Variants in TRAP1 observed in about 807,000 individuals in gnomAD.
The protein encoded by TRAP1 is heat shock protein 75 kDa, mitochondrial.
A neutral mutation model predicts 89.1 loss-of-function variants in TRAP1; 102 were observed. The observed-to-expected ratio is 1.15, with a 90% CI of 0.98 to 1.35. TRAP1 has a LOEUF of 1.35. Among genes scored for constraint, TRAP1 ranks in the 40% most tolerant of loss-of-function variants. The probability of loss-of-function intolerance (pLI) is 0.00; values close to 1 mark genes in which losing one functional copy is unlikely to be tolerated. For synonymous variants in TRAP1, 508 were observed against 388.0 expected (o/e 1.31, Z -3.64); for missense variants, 1,256 against 945.3 (o/e 1.33, Z -4.31).
intron 13 of TRAP1, chr16:3,663,846 G>A (rs1354161852): frequency 2.3e-6 from 1 of 434,402 alleles, no homozygotes; most frequent in Non-Finnish European, 4.2e-6. Flanking sequence ...GGCCAAAGCA[G>A]GCAGATCATG....
chr16:3,679,802 G>C lies in TRAP1; in HGVS notation c.472-12C>G. On this transcript the variant is annotated splice_polypyrimidine_tract_variant and intron_variant, in intron 4 of 17. Transcript: ENST00000246957. The stretch of plus-strand genomic sequence containing the variant: ...CCGATACCAGTATCCTGAGGAGAGA[G>C]ACGCACTAAGTGCCAAGCCCCCAGC... 6.2e-7 allele frequency: 1 copy of C among 1,613,894 alleles called. No homozygotes were observed. The highest frequency in any genetic ancestry group is 1.1e-5 in the South Asian group (1 of 91,082).
At chr16:3,712,204 G>A (rs1178392089) in intron 1 of TRAP1, among the ~76,000 whole-genome samples, 3 of 139,452 alleles carry the variant, frequency 2.2e-5, no homozygotes, top group African/African-American at 8.2e-5. Flanking sequence ...CAGGAGAACT[G>A]CCTGAATTCA....
chr16:3,714,516 G>A (rs2051572084), intron 1 of TRAP1, among the ~76,000 whole-genome samples: 1 of 152,134 alleles, frequency 6.6e-6, no homozygotes, highest in Admixed American at 6.6e-5. Flanking sequence ...AAACCTAGCT[G>A]GGTGTGGTGG....
chr16:3,704,683 C>T (rs559328518), intron 1 of TRAP1, among the ~76,000 whole-genome samples: 1 of 152,058 alleles, frequency 6.6e-6, no homozygotes, highest in Non-Finnish European at 1.5e-5. Flanking sequence ...GGAGACCCCC[C>T]CAACTCTCAA....
intron 4 of TRAP1, among the ~76,000 whole-genome samples, chr16:3,680,728 G>T (rs1163130835): frequency 1.3e-5 from 2 of 152,216 alleles, no homozygotes; most frequent in African/African-American, 4.8e-5. Flanking sequence ...GGGGGGCCTT[G>T]GGGAGGTGAT....
chr16:3,716,991 G>A (rs572003030), intron 1 of TRAP1, among the ~76,000 whole-genome samples: 13 of 152,350 alleles, frequency 8.5e-5, no homozygotes, highest in Non-Finnish European at 1.8e-4. Flanking sequence ...ACTGGGAGGC[G>A]GGGAGGGGTA....
At chr16:3,703,131 T>C (rs1265089930) in intron 1 of TRAP1, among the ~76,000 whole-genome samples, 1 of 147,788 alleles carries the variant, frequency 6.8e-6, no homozygotes, top group African/African-American at 2.5e-5. Context: ...GAAAACTAGT[T>C]AGAAAATATG....
At chr16:3,686,161 C>A (rs1421246334) in intron 3 of TRAP1, 25 bp from the exon 4 acceptor site, 7 of 1,611,656 alleles carry the variant, frequency 4.3e-6, no homozygotes, top group Non-Finnish European at 5.1e-6. Flanking sequence ...ATGGGAGGCA[C>A]AGACAATGAA....
intron 16 of TRAP1, chr16:3,661,302 A>G (rs2043058651): frequency 6.6e-6 from 1 of 152,134 alleles, no homozygotes; most frequent in Non-Finnish European, 1.5e-5. Context: ...GTGAAAAGAC[A>G]TTTACAACAG....
chr16:3,682,950 C>G (rs1420212998), intron 4 of TRAP1, among the ~76,000 whole-genome samples: 1 of 151,926 alleles, frequency 6.6e-6, no homozygotes, highest in Non-Finnish European at 1.5e-5. Context: ...AGGCAGATCA[C>G]ACGAGGCCGG....
At position 3,665,995 on chromosome 16, in the gene TRAP1, C is replaced by T; in HGVS notation, c.1359G>A (p.Val453=). The change falls in exon 12 of 18, where the codon GTG becomes GTA. Residue 453 remains valine, a synonymous_variant. Coordinates refer to ENST00000246957, the MANE Select transcript of TRAP1 (RefSeq NM_016292.3). ...DYGLFMREGI[V]TATEQEVKED... ...CCTTGACCTCCTGCTCGGTGGCGGT[C>T]ACAATGCCCTCCCGCATGAACAGGC... The T allele has an allele frequency of 2.5e-6, 4 of 1,613,994 alleles. No homozygotes were observed. The highest frequency in any genetic ancestry group is 1.7e-5 in the Admixed American group (1 of 59,996).
At chr16:3,680,090 G>A (rs1411922418) in intron 4 of TRAP1, 2 of 284,936 alleles carry the variant, frequency 7.0e-6, no homozygotes, top group African/African-American at 4.3e-5. Flanking sequence ...AGCCAGGCAT[G>A]ATGGCGAGCA....
chr16:3,687,691 C>A (rs566622816), intron 3 of TRAP1, among the ~76,000 whole-genome samples: 11 of 152,052 alleles, frequency 7.2e-5, no homozygotes, highest in African/African-American at 2.7e-4. Flanking sequence ...CAAGACCAGC[C>A]TGGGCAACAC....
chr16:3,689,350 T>C (rs933264430), intron 2 of TRAP1, among the ~76,000 whole-genome samples: 1 of 151,094 alleles, frequency 6.6e-6, no homozygotes, highest in Non-Finnish European at 1.5e-5. Flanking sequence ...GTTCACGCCA[T>C]TCTCTTGCCT....
In TRAP1 at chr16:3,671,702, C is replaced by T. The variant is rs372867460; in HGVS notation, c.1235+20G>A. Reference sequence around the variant, plus strand: ...GGCCTTGTCCCCAGCAGGGTCCTCTCCCCGCGGCCCGAGGCTCACCTGATG... The same window carrying T: ...GGCCTTGTCCCCAGCAGGGTCCTCTTCCCGCGGCCCGAGGCTCACCTGATG... On this transcript the variant is annotated intron_variant, in intron 11 of 17. Transcript: ENST00000246957. The T allele has an allele frequency of 1.9e-5, 30 of 1,610,644 alleles. No homozygotes were observed. The highest frequency in any genetic ancestry group is 2.2e-5 in the Non-Finnish European group (26 of 1,179,688).
chr16:3,703,842 A>C (rs1005087153), intron 1 of TRAP1, among the ~76,000 whole-genome samples: 9 of 151,230 alleles, frequency 6.0e-5, no homozygotes, highest in Non-Finnish European at 1.5e-5. Context: ...GGTGAAAGCC[A>C]GTCTCTATTG....
intron 11 of TRAP1, among the ~76,000 whole-genome samples, chr16:3,671,143 G>A (rs2050907545): frequency 6.6e-6 from 1 of 152,036 alleles, no homozygotes; most frequent in Non-Finnish European, 1.5e-5. Flanking sequence ...AATTCCAGCT[G>A]AATCCTCACC....
chr16:3,700,220 T>G (rs2051346821), intron 1 of TRAP1, among the ~76,000 whole-genome samples: 1 of 151,928 alleles, frequency 6.6e-6, no homozygotes, highest in African/African-American at 2.4e-5. Context: ...CAGGCTGGAG[T>G]GCAATGGCGC....
intron 1 of TRAP1, among the ~76,000 whole-genome samples, chr16:3,714,337 C>T (rs770222797): frequency 2.0e-5 from 3 of 152,164 alleles, no homozygotes; most frequent in African/African-American, 7.2e-5. Flanking sequence ...AGTCCACAAG[C>T]GGATATCCTA....
Sources: gnomAD v4.1 joint callset for allele counts (sites outside exome capture counted in the v4.1 genomes callset) on GRCh38, gnomAD v4.1.1 for gene constraint, MANE v1.5 for transcripts, NCBI Gene and HGNC (gene_info 2026-07-23, HGNC 2026-07-21) for gene names.